ZNF341: variants seen among roughly 807,000 people sequenced by gnomAD.
The protein encoded by ZNF341 is zinc finger protein 341.
A neutral mutation model predicts 87.7 loss-of-function variants in ZNF341; 52 were observed. The ratio of observed to expected loss-of-function variants is 0.59; its 90% CI spans 0.47 to 0.75. ZNF341 has a LOEUF of 0.75. Among genes scored for constraint, ZNF341 ranks in the 30% least tolerant of loss-of-function variants. ZNF341 has a pLI of 0.00. For synonymous variants in ZNF341, 459 were observed against 472.7 expected (o/e 0.97, Z 0.38); for missense variants, 977 against 1,145.9 (o/e 0.85, Z 2.13).
Position 33,757,166 on chromosome 20 carries a change from G to C in ZNF341, c.760G>C (p.Glu254Gln). The change falls in exon 6 of 15, where the codon GAG becomes CAG. Residue 254 changes from glutamate to glutamine, a missense_variant. By Grantham distance (29) the Glu-to-Gln change is conservative (BLOSUM62 2). This residue lies in a region of ZNF341 where 515 missense variants were observed against 598.2 expected (regional missense o/e 0.86). Transcript: ENST00000375200. ...CTCCTAGGTGCCAAACCAGTGTGTGGAGCCTCCAGTATATCCCACCCCCAC... is the reference window on the plus strand; with the variant it reads ...CTCCTAGGTGCCAAACCAGTGTGTGCAGCCTCCAGTATATCCCACCCCCAC... ...PPLEVPNQCV[E>Q]PPVYPTPTVY... The C allele has an allele frequency of 6.9e-7, 1 of 1,458,272 alleles. No homozygotes were observed. The highest frequency in any genetic ancestry group is 1.5e-5 in the South Asian group (1 of 68,106). The allele number at this position is 1,458,272 out of a possible 1,614,324, so 90.3% of individuals were successfully genotyped here.
At chr20:33,762,087 A>C in intron 8 of ZNF341, 32 bp downstream of exon 8, 11 of 1,489,166 alleles carry the variant, frequency 7.4e-6, no homozygotes, top group Non-Finnish European at 1.0e-5. Flanking sequence ...CATGCTTCCC[A>C]CACCTCTCTT....
intron 10 of ZNF341, among the ~76,000 whole-genome samples, chr20:33,772,178 AT>A (rs1568588490): frequency 6.6e-6 from 1 of 151,898 alleles, no homozygotes; most frequent in Non-Finnish European, 1.5e-5. Flanking sequence ...CACTTTGATG[AT>A]GTCATGAAAT....
At chr20:33,750,728 C>A (rs1195680212) in intron 4 of ZNF341, among the ~76,000 whole-genome samples, 1 of 152,038 alleles carries the variant, frequency 6.6e-6, no homozygotes, top group Non-Finnish European at 1.5e-5. Context: ...GCAATCTCCG[C>A]ATCCTGGGTT....
rs375181857 is a variant in ZNF341, at chr20:33,761,766, A to G, written c.1029-96A>G. 3.1e-4 allele frequency: 344 copies of G among 1,096,854 alleles called. 1 individual carries two copies. In the East Asian group the frequency reaches 7.4e-3, roughly 24 times the overall value. The allele number at this position is 1,096,854 out of a possible 1,614,324, so 67.9% of individuals were successfully genotyped here. A position where few individuals can be genotyped will look rare whatever the true frequency, so the allele number is the denominator to read the frequency against. On this transcript the variant is annotated intron_variant, in intron 7 of 14. Coordinates refer to ENST00000375200, the MANE Select transcript of ZNF341 (RefSeq NM_001282933.2). ...TCAGAATGTGGCAAGTGGCATCTGG[A>G]TGTTCTTTCTGGGCCTTCCTTGTGG...
intron 9 of ZNF341, 53 bp downstream of exon 9, chr20:33,767,094 C>A: frequency 6.4e-7 from 1 of 1,569,896 alleles, no homozygotes. Context: ...AAACCTTTCA[C>A]TGGTGCTAGG....
chr20:33,791,166 C>T lies in ZNF341; in HGVS notation c.2214C>T (p.Asp738=). 1 of 1,613,224 alleles carries T rather than the reference C, an allele frequency of 6.2e-7. No homozygotes were observed. Among genetic ancestry groups the T allele is most frequent in the Non-Finnish European group, 8.5e-7 (1 of 1,179,996 alleles). ...GCTGTCGTCTCGGCCCCCAAAAGGA[C>T]AAGGACCTGCAAACCCGGCGGCCCC... ...DHRCRLGPQK[D]KDLQTRRPPQ... The change falls in exon 15 of 15, where the codon GAC becomes GAT. Residue 738 remains aspartate (D), a synonymous_variant. Coordinates refer to ENST00000375200, the MANE Select transcript of ZNF341 (RefSeq NM_001282933.2).
chr20:33,757,184 A>AC lies in ZNF341; in HGVS notation c.783dup (p.Thr262HisfsTer33). The AC allele has an allele frequency of 1.3e-6, 2 of 1,509,962 alleles. No individual in the cohort carries two copies. The highest frequency in any genetic ancestry group is 1.8e-6 in the Non-Finnish European group (2 of 1,128,912). The allele number at this position is 1,509,962 out of a possible 1,614,324, so 93.5% of individuals were successfully genotyped here. A position where few individuals can be genotyped will look rare whatever the true frequency, so the allele number is the denominator to read the frequency against. ...GTGTGTGGAGCCTCCAGTATATCCC[A>AC]CCCCCACAGTGTACAGCCCTGGCAA... On this transcript the variant is annotated frameshift_variant, in exon 6 of 15. Coordinates refer to ENST00000375200, the MANE Select transcript of ZNF341 (RefSeq NM_001282933.2). LOFTEE classifies it high-confidence loss of function.
At chr20:33,759,801 A>G (rs752153744) in intron 7 of ZNF341, among the ~76,000 whole-genome samples, 12 of 147,996 alleles carry the variant, frequency 8.1e-5, no homozygotes, top group Non-Finnish European at 1.8e-4. Context: ...GGAGAGAGAG[A>G]GAACAAACCT....
At chr20:33,781,138 G>A (rs928804098) in intron 10 of ZNF341, among the ~76,000 whole-genome samples, 153 bp from the exon 11 acceptor site, 1 of 152,226 alleles carries the variant, frequency 6.6e-6, no homozygotes, top group Non-Finnish European at 1.5e-5. Flanking sequence ...GCGCTCAGAT[G>A]AGGACAGGCA....
chr20:33,773,737 G>T (rs964534373), intron 10 of ZNF341, among the ~76,000 whole-genome samples: 1 of 152,112 alleles, frequency 6.6e-6, no homozygotes, highest in Admixed American at 6.6e-5. Context: ...TAGAAGTTTG[G>T]CTGCATGCAG....
At chr20:33,790,096 G>A (rs985059674) in intron 14 of ZNF341, among the ~76,000 whole-genome samples, 30 of 147,564 alleles carry the variant, frequency 2.0e-4, no homozygotes, top group Non-Finnish European at 4.5e-4. Flanking sequence ...TTTTTGAGAC[G>A]GAGCCTCCCT....
At chr20:33,755,488 T>A (rs1346261339) in intron 5 of ZNF341, among the ~76,000 whole-genome samples, 1 of 152,014 alleles carries the variant, frequency 6.6e-6, no homozygotes, top group Non-Finnish European at 1.5e-5. Flanking sequence ...TTTGTACCTT[T>A]TTTTCAGCTT....
chr20:33,733,926 GGTGGATCAGGAAGGCCGAGGTCA>G (rs1195021663), intron 1 of ZNF341, among the ~76,000 whole-genome samples: 1 of 152,242 alleles, frequency 6.6e-6, no homozygotes, highest in African/African-American at 2.4e-5. Flanking sequence ...AGCAGGAGGT[GGTGGATCAGGAAGGCCGAGGTCA>G]GTGGTAGTTC....
rs112919504 is a variant in ZNF341, at chr20:33,734,843, T to C, written c.31+2791T>C. Among the ~76,000 whole-genome samples, 644 of 152,154 alleles carry C rather than the reference T, an allele frequency of 4.2e-3. 3 individuals are homozygous for C. Among genetic ancestry groups the C allele is most frequent in the African/African-American group, 0.014 (578 of 41,508 alleles). ...CCTCAGCCTCCCGAGTAGCTGAGAC[T>C]ACAGGCACATGCCACCACGTCTGGC... On this transcript the variant is annotated intron_variant, in intron 1 of 14. Transcript: ENST00000375200.
At chr20:33,759,913 T>C (rs1289089998) in intron 7 of ZNF341, among the ~76,000 whole-genome samples, 4 of 152,316 alleles carry the variant, frequency 2.6e-5, no homozygotes, top group Non-Finnish European at 5.9e-5. Context: ...TTCCTTCCTG[T>C]AGGGAGCTGA....
At chr20:33,752,944 G>A (rs190036193) in intron 4 of ZNF341, among the ~76,000 whole-genome samples, 72 of 152,188 alleles carry the variant, frequency 4.7e-4, no homozygotes, top group Non-Finnish European at 9.0e-4. Context: ...CACTGCGCCC[G>A]GCCATTTTTG....
intron 8 of ZNF341, among the ~76,000 whole-genome samples, chr20:33,764,280 G>A (rs1240909035): frequency 6.7e-6 from 1 of 150,288 alleles, no homozygotes; most frequent in Non-Finnish European, 1.5e-5. Flanking sequence ...ACTCACCTCG[G>A]CCTCCCAAAG....
At chr20:33,745,688 G>A (rs2018903312) in intron 3 of ZNF341, among the ~76,000 whole-genome samples, 1 of 152,086 alleles carries the variant, frequency 6.6e-6, no homozygotes, top group Admixed American at 6.6e-5. Context: ...ACTTAAATAA[G>A]TAGGAAGAAC....
In ZNF341 at chr20:33,749,064, C is replaced by T. The variant is rs775264826; in HGVS notation, c.481C>T (p.Pro161Ser). ...CCAGCCCATGCCCCAGGGCCCCCCA[C>T]CTGTGCAGGTAAGAAGGTGTGGGCT... ...LDQPMPQGPP[P>S]VQSSLNMHSV... Residue 161 changes from proline to serine, a missense_variant, in exon 4 of 15, where the codon CCT (proline) becomes TCT (serine). By Grantham distance (74) the Pro-to-Ser change is moderately conservative. This residue lies in a region of ZNF341 where 515 missense variants were observed against 598.2 expected (regional missense o/e 0.86). Transcript: ENST00000375200. 3.7e-5 allele frequency: 59 copies of T among 1,613,490 alleles called. No individual in the cohort carries two copies. The South Asian group carries it at 5.9e-4, about 16-fold the overall frequency.
Sources: allele counts gnomAD v4.1 joint callset (sites outside exome capture counted in the v4.1 genomes callset), GRCh38; gene constraint gnomAD v4.1.1; regional missense constraint gnomAD v4.1.1; transcripts MANE v1.5; gene names NCBI Gene and HGNC (gene_info 2026-07-23, HGNC 2026-07-21).